Variants in SLC4A2 observed in about 807,000 individuals in gnomAD.
SLC4A2 encodes solute carrier family 4 member 2, also known as anion exchange protein 2.
A neutral mutation model predicts 115.0 loss-of-function variants in SLC4A2; 36 were observed. The ratio of observed to expected loss-of-function variants is 0.31; its 90% CI spans 0.24 to 0.41. The LOEUF (loss-of-function observed/expected upper bound fraction) is 0.41. SLC4A2 is among the 10% of genes least tolerant of loss of function. SLC4A2 has a pLI of 1.00. For synonymous variants in SLC4A2, 708 were observed against 708.3 expected (o/e 1.00, Z 0.01); for missense variants, 1,252 against 1,705.6 (o/e 0.73, Z 4.68).
Position 151,061,955 on chromosome 7 carries a change from C to T in SLC4A2, c.-33C>T, listed in dbSNP as rs753546446. On this transcript the variant is annotated 5_prime_UTR_variant, in exon 2 of 23. Transcript: ENST00000413384. ...GCCTCCGCCTCGTTGCCCTGAAAGC[C>T]GCAGCGACAGCGAAAAGGGCTAAGA... is the stretch of plus-strand genomic sequence containing the variant. 4 of 1,603,664 alleles carry T rather than the reference C, an allele frequency of 2.5e-6. No individual in the cohort carries two copies. The highest frequency in any genetic ancestry group is 4.5e-5 in the East Asian group (2 of 44,736).
intron 1 of SLC4A2, chr7:151,061,481 C>T (rs1251437108): frequency 6.4e-6 from 1 of 156,516 alleles, no homozygotes; most frequent in African/African-American, 2.4e-5. Context: ...GGGTGTCTCA[C>T]CCTCCCCACC....
At chr7:151,070,384 G>C in intron 10 of SLC4A2, 38 bp downstream of exon 10, 1 of 1,610,612 alleles carries the variant, frequency 6.2e-7, no homozygotes, top group Non-Finnish European at 8.5e-7. Context: ...CTGGCGGCAG[G>C]GCTGAGGAAG....
At position 151,070,511 on chromosome 7, in the gene SLC4A2, C is replaced by T. The variant is rs760819488; in HGVS notation, c.1504C>T (p.His502Tyr). 6 of 1,613,816 alleles carry T rather than the reference C, an allele frequency of 3.7e-6. No homozygotes were observed. Among genetic ancestry groups the T allele is most frequent in the Middle Eastern group, 1.7e-4 (1 of 6,060 alleles). The stretch of plus-strand genomic sequence containing the variant: ...TGGCATCACCCGCTCCAAGTCCAAG[C>T]ACGAGCTGAAACTGCTGGAGAAGAT... Reference protein sequence around the residue: ...PAGITRSKSKHELKLLEKIPE... With the variant: ...PAGITRSKSKYELKLLEKIPE... Residue 502 changes from histidine (H) to tyrosine (Y), a missense_variant, in exon 11 of 23, where the codon CAC (histidine) becomes TAC (tyrosine). Physicochemically the swap from His to Tyr is moderately conservative, Grantham distance 83 (BLOSUM62 2). Around this residue, in one of 14 missense-constraint regions of SLC4A2, gnomAD observed 87 missense variants for 170.3 expected, o/e 0.51. Transcript: ENST00000413384.
intron 16 of SLC4A2, 130 bp downstream of exon 16, chr7:151,072,266 C>A: frequency 1.5e-6 from 1 of 686,912 alleles, no homozygotes; most frequent in Non-Finnish European, 2.5e-6. Context: ...GTTGCCAACA[C>A]GTATACCAGG....
In SLC4A2 at chr7:151,066,940, G is replaced by C; in HGVS notation, c.913G>C (p.Glu305Gln). The change falls in exon 7 of 23, where the codon GAG (glutamate) becomes CAG (glutamine). Residue 305 changes from glutamate (E) to glutamine (Q), a missense_variant. Physicochemically the swap from Glu to Gln is conservative, Grantham distance 29. Coordinates refer to ENST00000413384, the MANE Select transcript of SLC4A2 (RefSeq NM_003040.4). Reference protein sequence around the residue: ...GSTQSGREGREPGPTPRARPR... With the variant: ...GSTQSGREGRQPGPTPRARPR... Reference sequence around the variant, plus strand: ...CACACAGAGTGGCCGAGAAGGGCGGGAGCCTGGCCCCACACCTCGGGCCCG... The same window carrying C: ...CACACAGAGTGGCCGAGAAGGGCGGCAGCCTGGCCCCACACCTCGGGCCCG... The C allele has an allele frequency of 1.9e-6, 3 of 1,613,316 alleles. No individual in the cohort carries two copies. Among genetic ancestry groups the C allele is most frequent in the Non-Finnish European group, 2.5e-6 (3 of 1,179,778 alleles).
chr7:151,062,477 C>T, intron 2 of SLC4A2: 1 of 1,313,498 alleles, frequency 7.6e-7, no homozygotes, highest in Non-Finnish European at 9.7e-7. Flanking sequence ...ACGTGGCCAC[C>T]GCTCCACATG....
intron 2 of SLC4A2, chr7:151,062,637 G>T: frequency 6.6e-7 from 1 of 1,523,374 alleles, no homozygotes; most frequent in Non-Finnish European, 8.8e-7. Context: ...ACCCCTGCCG[G>T]CCATGGACTT....
At position 151,076,042 on chromosome 7, in the gene SLC4A2, G is replaced by C. The variant is rs368459595; in HGVS notation, c.3501G>C (p.Thr1167=). ...KVRTLRMHLF[T]ALQLLCLALL... is the part of the protein sequence containing the mutation. The stretch of plus-strand genomic sequence containing the variant: ...GGACCCTCCGTATGCACCTGTTCAC[G>C]GCCCTGCAGCTGCTCTGCCTGGCCC... Residue 1167 remains threonine, a synonymous_variant, in exon 22 of 23, where the codon ACG becomes ACC. Coordinates refer to ENST00000413384, the MANE Select transcript of SLC4A2 (RefSeq NM_003040.4). 4 of 1,610,988 alleles carry C rather than the reference G, an allele frequency of 2.5e-6. No individual in the cohort carries two copies. The Admixed American group carries it at 5.0e-5, about 20-fold the overall frequency.
rs1286185687 is a variant in SLC4A2 at position 151,066,987 on chromosome 7, C to T, written c.960C>T (p.Pro320=). The T allele has an allele frequency of 1.9e-6, 3 of 1,596,872 alleles. No individual in the cohort carries two copies. The highest frequency in any genetic ancestry group is 1.7e-6 in the Non-Finnish European group (2 of 1,173,356). Residue 320 remains proline, a synonymous_variant, in exon 7 of 23, where the codon CCC becomes CCT. Coordinates refer to ENST00000413384, the MANE Select transcript of SLC4A2 (RefSeq NM_003040.4). The part of the protein sequence containing the change: ...PRARPRAPHK[P]HEVFVELNEL... ...CCCGACCCCGGGCCCCCCACAAGCC[C>T]CATGAGGTACCATGCTCTGCTTCAT...
intron 2 of SLC4A2, chr7:151,063,327 G>A (rs2150367124): frequency 1.5e-6 from 1 of 679,734 alleles, no homozygotes; most frequent in East Asian, 3.4e-5. Flanking sequence ...GGGTTTGTTT[G>A]ACTCGGACAG....
Position 151,074,214 on chromosome 7 carries a change from CG to C in SLC4A2, c.2712del (p.Leu905TrpfsTer30). 6.2e-7 allele frequency: 1 copy of C among 1,613,006 alleles called. No individual in the cohort carries two copies. Reference sequence around the variant, plus strand: ...GGCCAGCCCAACACGGCCCTGCTGTCGCTGGTGCTCATGGCCGGCACCTTCT... The same window carrying C: ...GGCCAGCCCAACACGGCCCTGCTGTCCTGGTGCTCATGGCCGGCACCTTCT... Reference protein sequence around the residue: ...PRGQPNTALLSLVLMAGTFFI... With the variant: ...PRGQPNTALLXLVLMAGTFFI... On this transcript the variant is annotated frameshift_variant, in exon 17 of 23. Coordinates refer to ENST00000413384, the MANE Select transcript of SLC4A2 (RefSeq NM_003040.4). LOFTEE classifies it high-confidence loss of function.
intron 5 of SLC4A2, among the ~76,000 whole-genome samples, chr7:151,066,150 C>T (rs1248883423): frequency 6.6e-6 from 1 of 152,168 alleles, no homozygotes; most frequent in Non-Finnish European, 1.5e-5. Context: ...GAAGCAGCGT[C>T]CTGAGCTCCT....
chr7:151,068,271 G>C (rs557549853), intron 8 of SLC4A2, among the ~76,000 whole-genome samples: 1 of 152,196 alleles, frequency 6.6e-6, no homozygotes, highest in African/African-American at 2.4e-5. Context: ...AAATGTTCGA[G>C]AAGCTATTTA....
chr7:151,074,711 C>T lies in SLC4A2; in HGVS notation c.2917C>T (p.Pro973Ser). The T allele has an allele frequency of 6.2e-7, 1 of 1,607,222 alleles. No homozygotes were observed. The highest frequency in any genetic ancestry group is 8.5e-7 in the Non-Finnish European group (1 of 1,177,482). ...TCCCAGTGGATTCTCGGTGACTGCC[C>T]CAGAAAAGAGGGGCTGGGTCATCAA... ...SVPSGFSVTAPEKRGWVINPL... is the reference protein window; with the variant it reads ...SVPSGFSVTASEKRGWVINPL... Residue 973 changes from proline to serine, a missense_variant, in exon 19 of 23, where the codon CCA (proline) becomes TCA (serine). Physicochemically the swap from Pro to Ser is moderately conservative, Grantham distance 74 (BLOSUM62 -1). Transcript: ENST00000413384.
At chr7:151,058,266 A>C (rs111712537), upstream of SLC4A2, 2 of 254,050 alleles carry the variant, frequency 7.9e-6, no homozygotes, top group Admixed American at 5.0e-5. Context: ...AATGCAGCGG[A>C]AATGGGGGCG....
At chr7:151,065,487 G>A (rs534151635) in intron 5 of SLC4A2, among the ~76,000 whole-genome samples, 1 of 152,330 alleles carries the variant, frequency 6.6e-6, no homozygotes, top group East Asian at 1.9e-4. Flanking sequence ...CCCAGTGGCT[G>A]GTTCAGGCAA....
Position 151,071,311 on chromosome 7 carries a change from G to A in SLC4A2, c.1975+14G>A, listed in dbSNP as rs771410391. On this transcript the variant is annotated intron_variant, in intron 13 of 22. Transcript: ENST00000413384. The surrounding 1 kb of genome is among the most constrained non-coding windows in gnomAD (Gnocchi z 5.5). ...CCCAAGATAAGGGTACGGCCAGGGCGGGCTGGGGCCAGGGCTGCCTCGAGG... is the reference window on the plus strand; with the variant it reads ...CCCAAGATAAGGGTACGGCCAGGGCAGGCTGGGGCCAGGGCTGCCTCGAGG... 6.1e-5 allele frequency: 95 copies of A among 1,546,456 alleles called. No homozygotes were observed. Among genetic ancestry groups the A allele is most frequent in the Non-Finnish European group, 7.8e-5 (90 of 1,148,068 alleles).
chr7:151,066,389 C>T (rs1797232030), intron 5 of SLC4A2, 128 bp from the exon 6 acceptor site: 1 of 1,160,652 alleles, frequency 8.6e-7, no homozygotes, highest in Non-Finnish European at 1.2e-6. Context: ...GCCCGCACCT[C>T]CCGGGAGTGG....
rs397978007 is a variant in SLC4A2, at chr7:151,069,140, C to CAAAAAAAAAAAAA, written c.1148-800_1148-788dup. Among the ~76,000 whole-genome samples the CAAAAAAAAAAAAA allele has an allele frequency of 1.0e-3, 41 of 40,908 alleles. 7 individuals are homozygous for CAAAAAAAAAAAAA. The highest frequency in any genetic ancestry group is 4.9e-3 in the East Asian group (4 of 818). The allele number at this position is 40,908 out of a possible 152,430, so 26.8% of individuals were successfully genotyped here. A position where few individuals can be genotyped will look rare whatever the true frequency, so the allele number is the denominator to read the frequency against. On this transcript the variant is annotated intron_variant, in intron 8 of 22. Transcript: ENST00000413384. ...AACGACAGAGCGAGACTCTTATCAC[C>CAAAAAAAAAAAAA]AAAAAAAAAAAAAAAAAAAGCAGCT...
Sources: gnomAD v4.1 joint callset for allele counts (sites outside exome capture counted in the v4.1 genomes callset) on GRCh38, gnomAD v4.1.1 for gene constraint, gnomAD v4.1.1 regional missense constraint, Gnocchi (gnomAD v3.1) non-coding constraint, MANE v1.5 for transcripts, NCBI Gene and HGNC (gene_info 2026-07-23, HGNC 2026-07-21) for gene names.